BRINP1: variants seen among roughly 807,000 people sequenced by gnomAD.
The protein encoded by BRINP1 is BMP/retinoic acid-inducible neural-specific protein 1.
BRINP1 carries 17 observed loss-of-function variants against 72.9 expected under a neutral mutation model. That is an observed-to-expected ratio of 0.23 (90% CI 0.16 to 0.35). The LOEUF (loss-of-function observed/expected upper bound fraction) is 0.35, where lower values mean the gene tolerates loss of function less well. Ranked by LOEUF, BRINP1 falls within the 10% of genes least tolerant of loss-of-function variation. The pLI, the probability that BRINP1 is intolerant of heterozygous loss-of-function variation, is 1.00. For missense variants in BRINP1, 850 were observed against 1,001.6 expected (o/e 0.85, Z 2.04); for synonymous variants, 418 against 378.5 (o/e 1.10, Z -1.21).
chr9:119,177,448 T>G (rs1451860635), intron 7 of BRINP1, among the ~76,000 whole-genome samples: 2 of 152,214 alleles, frequency 1.3e-5, no homozygotes, highest in Admixed American at 1.3e-4. Context: ...CGGCCCTGAT[T>G]GCGTGGTTCC....
intron 1 of BRINP1, among the ~76,000 whole-genome samples, chr9:119,355,533 C>G (rs1435483870): frequency 6.6e-6 from 1 of 152,048 alleles, no homozygotes; most frequent in Non-Finnish European, 1.5e-5. Context: ...TTGAGACCAT[C>G]CTGGCTAACA....
chr9:119,206,016 C>T (rs970504079), intron 7 of BRINP1, among the ~76,000 whole-genome samples: 1 of 152,124 alleles, frequency 6.6e-6, no homozygotes, highest in Non-Finnish European at 1.5e-5. Flanking sequence ...CCCCCAGGAT[C>T]TCAAACTGTG....
At chr9:119,210,544 G>A (rs1829911791) in intron 6 of BRINP1, among the ~76,000 whole-genome samples, 1 of 152,122 alleles carries the variant, frequency 6.6e-6, no homozygotes, top group South Asian at 2.1e-4. Flanking sequence ...CAGTAGATAG[G>A]AGAATTAAGA....
At chr9:119,300,896 T>C (rs1255584499) in intron 2 of BRINP1, among the ~76,000 whole-genome samples, 2 of 152,210 alleles carry the variant, frequency 1.3e-5, no homozygotes, top group Non-Finnish European at 2.9e-5. Context: ...TTTGCTTCCA[T>C]GGTACCAGCC....
chr9:119,282,737 T>C (rs571905367), intron 2 of BRINP1: 1 of 934,606 alleles, frequency 1.1e-6, no homozygotes, highest in African/African-American at 1.8e-5. Context: ...GGAACAAGAA[T>C]GTTGTTCCTT....
chr9:119,247,417 C>T (rs182627085), intron 3 of BRINP1, among the ~76,000 whole-genome samples: 43 of 152,068 alleles, frequency 2.8e-4, no homozygotes, highest in Non-Finnish European at 5.6e-4. Context: ...CTCTGGGAGG[C>T]CAAGACGGGC....
chr9:119,363,895 A>T (rs969889060), intron 1 of BRINP1, among the ~76,000 whole-genome samples: 3 of 152,182 alleles, frequency 2.0e-5, no homozygotes, highest in Non-Finnish European at 2.9e-5. Flanking sequence ...AGCACAAAAA[A>T]CATGTCCATC....
chr9:119,203,390 G>A (rs532820660), intron 7 of BRINP1, among the ~76,000 whole-genome samples: 1 of 152,202 alleles, frequency 6.6e-6, no homozygotes, highest in Admixed American at 6.5e-5. Flanking sequence ...AAAAATATAT[G>A]TCACCAATGC....
At chr9:119,324,992 C>T (rs1356825061) in intron 1 of BRINP1, among the ~76,000 whole-genome samples, 1 of 151,886 alleles carries the variant, frequency 6.6e-6, no homozygotes, top group African/African-American at 2.4e-5. Context: ...CCCAGCTACT[C>T]GGGAGGCTGA....
At chr9:119,249,848 A>G (rs866412594) in intron 2 of BRINP1, among the ~76,000 whole-genome samples, 1 of 73,062 alleles carries the variant, frequency 1.4e-5, no homozygotes, top group African/African-American at 7.1e-5. Context: ...GGAAGGAAGG[A>G]AGGAAGGGAG....
At chr9:119,203,905 G>A (rs1044004002) in intron 7 of BRINP1, among the ~76,000 whole-genome samples, 1 of 151,952 alleles carries the variant, frequency 6.6e-6, no homozygotes, top group Non-Finnish European at 1.5e-5. Flanking sequence ...ATAATGAACT[G>A]CACCTCCCAA....
At chr9:119,282,329 C>T (rs1230324346) in intron 2 of BRINP1, among the ~76,000 whole-genome samples, 1 of 152,156 alleles carries the variant, frequency 6.6e-6, no homozygotes, top group African/African-American at 2.4e-5. Context: ...TGGGTTGTAG[C>T]TGTGGCCCTG....
chr9:119,262,553 G>A (rs917814208), intron 2 of BRINP1, among the ~76,000 whole-genome samples: 1 of 150,304 alleles, frequency 6.7e-6, no homozygotes, highest in Non-Finnish European at 1.5e-5. Flanking sequence ...GGCTGAGGCA[G>A]GAGAATTGCT....
chr9:119,277,722 C>A (rs957575846), intron 2 of BRINP1, among the ~76,000 whole-genome samples: 1 of 152,020 alleles, frequency 6.6e-6, no homozygotes, highest in African/African-American at 2.4e-5. Flanking sequence ...TGAACTAGTA[C>A]AAAATATGTC....
intron 2 of BRINP1, among the ~76,000 whole-genome samples, chr9:119,254,823 C>G (rs1830428704): frequency 6.6e-6 from 1 of 152,132 alleles, no homozygotes; most frequent in Non-Finnish European, 1.5e-5. Context: ...TGGATGTGCT[C>G]CAATAAAACT....
intron 5 of BRINP1, among the ~76,000 whole-genome samples, chr9:119,237,953 C>A (rs1467190792): frequency 6.6e-6 from 1 of 152,122 alleles, no homozygotes; most frequent in African/African-American, 2.4e-5. Context: ...AGCCACTGCA[C>A]CCTGCCTATT....
intron 5 of BRINP1, among the ~76,000 whole-genome samples, chr9:119,218,733 C>G (rs553612049): frequency 2.1e-5 from 3 of 141,134 alleles, no homozygotes; most frequent in African/African-American, 7.9e-5. Context: ...TTTATACCCC[C>G]TGAAACTCAG....
intron 1 of BRINP1, among the ~76,000 whole-genome samples, chr9:119,317,138 T>C (rs1831133274): frequency 1.3e-5 from 2 of 149,116 alleles, no homozygotes; most frequent in Non-Finnish European, 2.9e-5. Context: ...TATACTGCTA[T>C]AGCTGCCATA....
chr9:119,219,384 A>T (rs1221100762), intron 5 of BRINP1, among the ~76,000 whole-genome samples: 2 of 152,132 alleles, frequency 1.3e-5, no homozygotes, highest in Non-Finnish European at 2.9e-5. Context: ...GGATTAAAAT[A>T]ATTATTATTG....
Sources: gnomAD v4.1 joint callset for allele counts (sites outside exome capture counted in the v4.1 genomes callset) on GRCh38, gnomAD v4.1.1 for gene constraint, MANE v1.5 for transcripts, NCBI Gene and HGNC (gene_info 2026-07-23, HGNC 2026-07-21) for gene names.